Variants in CDK5RAP2 observed in about 807,000 individuals in gnomAD.
CDK5RAP2 encodes CDK5 regulatory subunit-associated protein 2.
CDK5RAP2 carries 147 observed loss-of-function variants against 232.9 expected under a neutral mutation model. The observed-to-expected ratio is 0.63, with a 90% CI of 0.55 to 0.72. The LOEUF (loss-of-function observed/expected upper bound fraction) is 0.72. CDK5RAP2 is among the 30% of genes least tolerant of loss of function. CDK5RAP2 has a pLI of 0.00. For synonymous variants in CDK5RAP2, 833 were observed against 833.7 expected, an observed-to-expected ratio of 1.00 and a Z score of 0.01; for missense variants, 2,195 against 2,231.5, an observed-to-expected ratio of 0.98 and a Z score of 0.33.
chr9:120,540,636 A>T (rs2041591810), intron 5 of CDK5RAP2, among the ~76,000 whole-genome samples: 2 of 152,260 alleles, frequency 1.3e-5, no homozygotes. Flanking sequence ...GAAGCTGGAC[A>T]GATCTGCTTC....
chr9:120,547,899 A>T (rs1353159691), intron 4 of CDK5RAP2, among the ~76,000 whole-genome samples: 1 of 152,258 alleles, frequency 6.6e-6, no homozygotes, highest in Non-Finnish European at 1.5e-5. Context: ...AGACATGCTA[A>T]CGTGGAATAC....
At chr9:120,565,769 G>C (rs971166267) in intron 3 of CDK5RAP2, among the ~76,000 whole-genome samples, 11 of 152,082 alleles carry the variant, frequency 7.2e-5, no homozygotes, top group African/African-American at 1.2e-4. Flanking sequence ...TCCTCCAGAG[G>C]CTTCTCTGAA....
intron 30 of CDK5RAP2, 28 bp from the exon 31 acceptor site, chr9:120,408,496 G>C: frequency 6.2e-7 from 1 of 1,613,736 alleles, no homozygotes; most frequent in South Asian, 1.1e-5. Flanking sequence ...GCATGAGAAG[G>C]ACAGGTTAAT....
At chr9:120,450,570 C>T (rs187350545) in intron 21 of CDK5RAP2, among the ~76,000 whole-genome samples, 7 of 151,838 alleles carry the variant, frequency 4.6e-5, no homozygotes, top group African/African-American at 1.7e-4. Context: ...GGAGAAGGAA[C>T]CCAAGAGGAA....
chr9:120,530,278 C>T, intron 7 of CDK5RAP2, 138 bp from the exon 8 acceptor site: 1 of 647,904 alleles, frequency 1.5e-6, no homozygotes, highest in Non-Finnish European at 2.7e-6. Flanking sequence ...TCACATTTTG[C>T]AGGTAGGAGA....
intron 18 of CDK5RAP2, among the ~76,000 whole-genome samples, chr9:120,462,436 AAATT>A (rs1481915372): frequency 6.6e-6 from 1 of 151,950 alleles, no homozygotes; most frequent in East Asian, 1.9e-4. Context: ...GGTACTCATC[AAATT>A]AAAAAAAAAA....
At position 120,530,792 on chromosome 9, in the gene CDK5RAP2, G is replaced by T. The variant is rs181585184; in HGVS notation, c.663-652C>A. On this transcript the variant is annotated intron_variant, in intron 7 of 37. Transcript: ENST00000349780. ...AAACACTGCGTGTTCTCACTCATAGGTGGGAATTGAACAATGAGAACACTT... is the reference window on the plus strand; with the variant it reads ...AAACACTGCGTGTTCTCACTCATAGTTGGGAATTGAACAATGAGAACACTT... 4.1e-5 allele frequency among the ~76,000 whole-genome samples: 6 copies of T among 146,700 alleles called. 1 individual carries two copies. The highest frequency in any genetic ancestry group is 1.5e-4 in the African/African-American group (6 of 39,584).
chr9:120,528,738 A>G lies in CDK5RAP2; in HGVS notation c.879+6T>C, dbSNP rs915262252. The G allele has an allele frequency of 7.6e-6, 12 of 1,573,550 alleles. No individual in the cohort carries two copies. Among genetic ancestry groups the G allele is most frequent in the Non-Finnish European group, 1.1e-5 (12 of 1,142,730 alleles). ...CAATACATTTTTTAAAATTGTATCA[A>G]CATACCTGGATCCTCTCTTCAAAGC... On this transcript the variant is annotated splice_donor_region_variant and intron_variant, in intron 9 of 37. Transcript: ENST00000349780.
chr9:120,397,387 C>A (rs1352109194), intron 35 of CDK5RAP2, among the ~76,000 whole-genome samples: 3 of 151,562 alleles, frequency 2.0e-5, no homozygotes, highest in Non-Finnish European at 4.4e-5. Context: ...TTTACTAGAT[C>A]TCTCTAGAAG....
chr9:120,500,584 A>G (rs1588498188), intron 12 of CDK5RAP2, among the ~76,000 whole-genome samples: 1 of 152,216 alleles, frequency 6.6e-6, no homozygotes, highest in African/African-American at 2.4e-5. Context: ...CTATTGTTTG[A>G]ATTTCTCCTT....
At chr9:120,497,649 C>A (rs2039373929) in intron 12 of CDK5RAP2, among the ~76,000 whole-genome samples, 1 of 152,136 alleles carries the variant, frequency 6.6e-6, no homozygotes, top group South Asian at 2.1e-4. Flanking sequence ...TGACATTACG[C>A]ACCTCCAAAT....
At position 120,536,457 on chromosome 9, in the gene CDK5RAP2, A is replaced by G. The variant is rs761525788; in HGVS notation, c.577T>C (p.Leu193=). 1.9e-6 allele frequency: 3 copies of G among 1,613,946 alleles called. No homozygotes were observed. The African/African-American group carries it at 4.0e-5, about 22-fold the overall frequency. The part of the protein sequence containing the change: ...AGTETEKALR[L]RLESKLSEMK... ...TCTGAAAGCTTGCTTTCCAAACGCA[A>G]CCGAAGAGCCTTCTCCGTCTCTGTC... The change falls in exon 7 of 38, where the codon TTG becomes CTG. Residue 193 remains leucine, a synonymous_variant. Transcript: ENST00000349780.
At chr9:120,411,813 C>T (rs1438126573) in intron 28 of CDK5RAP2, among the ~76,000 whole-genome samples, 17 of 152,208 alleles carry the variant, frequency 1.1e-4, no homozygotes, top group Admixed American at 1.1e-3. Context: ...TGAGGCAGCT[C>T]TGTCACTCAG....
chr9:120,459,665 T>C (rs2131447495), intron 19 of CDK5RAP2, among the ~76,000 whole-genome samples: 1 of 152,342 alleles, frequency 6.6e-6, no homozygotes, highest in East Asian at 1.9e-4. Context: ...ACTATCCTCA[T>C]TGACAAGGAA....
chr9:120,513,997 C>A (rs1490801179), intron 12 of CDK5RAP2, among the ~76,000 whole-genome samples: 1 of 152,206 alleles, frequency 6.6e-6, no homozygotes, highest in Non-Finnish European at 1.5e-5. Flanking sequence ...ACCATGTTTC[C>A]TCAGGCTCTG....
At chr9:120,425,272 C>G (rs2034822562) in intron 25 of CDK5RAP2, among the ~76,000 whole-genome samples, 1 of 152,148 alleles carries the variant, frequency 6.6e-6, no homozygotes, top group African/African-American at 2.4e-5. Context: ...TAACAGAATT[C>G]TTTAAAACCA....
chr9:120,489,988 G>C (rs1241025105), intron 13 of CDK5RAP2, among the ~76,000 whole-genome samples: 1 of 152,010 alleles, frequency 6.6e-6, no homozygotes, highest in Non-Finnish European at 1.5e-5. Context: ...TGTATTTTTA[G>C]TAGAGACGGA....
intron 1 of CDK5RAP2, among the ~76,000 whole-genome samples, chr9:120,577,303 G>A (rs756352757): frequency 1.3e-5 from 2 of 150,106 alleles, no homozygotes; most frequent in African/African-American, 2.5e-5. Context: ...GGAGGTTGCA[G>A]TGAGCCAAGA....
chr9:120,543,818 A>G (rs2041735674), intron 5 of CDK5RAP2, among the ~76,000 whole-genome samples: 2 of 152,326 alleles, frequency 1.3e-5, no homozygotes, highest in South Asian at 2.1e-4. Context: ...AGATCATGCC[A>G]CTGCACTCCA....
Sources: gnomAD v4.1 joint callset for allele counts (sites outside exome capture counted in the v4.1 genomes callset) on GRCh38, gnomAD v4.1.1 for gene constraint, MANE v1.5 for transcripts, NCBI Gene and HGNC (gene_info 2026-07-23, HGNC 2026-07-21) for gene names.